The following ITSN2 variants were observed in gnomAD, a reference collection of about 807,000 sequenced individuals.
The protein encoded by ITSN2 is intersectin-2.
In ITSN2, 156 loss-of-function variants were observed where a neutral mutation model predicts 243.7. The observed-to-expected ratio is 0.64, with a 90% CI of 0.56 to 0.73. The LOEUF (loss-of-function observed/expected upper bound fraction) is 0.73. Among genes scored for constraint, ITSN2 ranks in the 30% least tolerant of loss-of-function variants. ITSN2 has a pLI of 0.00. For missense variants in ITSN2, 1,801 were observed against 1,996.1 expected, an observed-to-expected ratio of 0.90 and a Z score of 1.86; for synonymous variants, 703 against 699.9, an observed-to-expected ratio of 1.00 and a Z score of -0.07.
intron 17 of ITSN2, among the ~76,000 whole-genome samples, chr2:24,278,183 G>T (rs1678264078): frequency 6.6e-6 from 1 of 152,166 alleles, no homozygotes; most frequent in Non-Finnish European, 1.5e-5. Context: ...CCTCCAACTT[G>T]TCCTTTAAAA....
chr2:24,222,776 A>C lies in ITSN2; in HGVS notation c.3578-1710T>G, dbSNP rs552189763. The stretch of plus-strand genomic sequence containing the variant: ...CTGCAACCTCTGCCTTCTGGGTGCA[A>C]GTGATTCTCCTGCCTCAGCCTCCTG... On this transcript the variant is annotated intron_variant, in intron 29 of 39. Coordinates refer to ENST00000355123, the MANE Select transcript of ITSN2 (RefSeq NM_006277.3). 1.1e-4 allele frequency among the ~76,000 whole-genome samples: 16 copies of C among 147,234 alleles called. No homozygotes were observed. In the South Asian group the frequency reaches 3.2e-3, roughly 29 times the overall value.
At chr2:24,216,370 G>C (rs1669953890) in intron 31 of ITSN2, 138 bp from the exon 32 acceptor site, 1 of 644,212 alleles carries the variant, frequency 1.6e-6, no homozygotes, top group Non-Finnish European at 2.5e-6. Context: ...GAGAACTCAA[G>C]AGGAAGAGGA....
chr2:24,318,321 T>C (rs1326153258), intron 2 of ITSN2, among the ~76,000 whole-genome samples: 1 of 152,122 alleles, frequency 6.6e-6, no homozygotes, highest in Admixed American at 6.6e-5. Context: ...AATTTTTGTA[T>C]TTTTTGTAGA....
chr2:24,320,525 CAAAAAAAAAAAAAAAAAAAAAA>C (rs113637557), intron 2 of ITSN2, among the ~76,000 whole-genome samples: 4 of 41,522 alleles, frequency 9.6e-5, no homozygotes, highest in African/African-American at 4.1e-4. Flanking sequence ...GACTCCGTCT[CAAAAAAAAAAAAAAAAAAAAAA>C]AAAAAAAAAA....
At chr2:24,216,428 T>C (rs984517080) in intron 31 of ITSN2, 196 bp from the exon 32 acceptor site, 22 of 439,174 alleles carry the variant, frequency 5.0e-5, no homozygotes, top group Non-Finnish European at 8.8e-5. Flanking sequence ...CGGGGTGTGA[T>C]GTCAGCAAAG....
chr2:24,210,907 G>A lies in ITSN2; in HGVS notation c.4130C>T (p.Ser1377Phe). ...NTPESHADHS[S>F]LKLALERAEE... ...TGCCCGCTCGAGGGCCAGCTTTAGG[G>A]AGGAATGGTCTGCATGGCTCTCCGG... is the stretch of plus-strand genomic sequence containing the variant. The change falls in exon 34 of 40, where the codon TCC becomes TTC. Residue 1377 changes from serine (S) to phenylalanine (F), a missense_variant. By Grantham distance (155) the Ser-to-Phe change is radical. This residue lies in a region of ITSN2 where 928 missense variants were observed against 1,065.4 expected (regional missense o/e 0.87). Coordinates refer to ENST00000355123, the MANE Select transcript of ITSN2 (RefSeq NM_006277.3). The A allele has an allele frequency of 2.5e-6, 4 of 1,614,232 alleles. No homozygotes were observed. The highest frequency in any genetic ancestry group is 1.7e-5 in the Admixed American group (1 of 60,032).
intron 17 of ITSN2, among the ~76,000 whole-genome samples, chr2:24,279,989 C>A (rs1393048525): frequency 1.3e-5 from 2 of 152,092 alleles, no homozygotes; most frequent in Non-Finnish European, 2.9e-5. Context: ...GCCTCAGCCT[C>A]CCAAAGTGCT....
In ITSN2 at chr2:24,283,230, CT is replaced by C. The variant is rs879626302; in HGVS notation, c.1944+1532del. 2.8e-3 allele frequency among the ~76,000 whole-genome samples: 409 copies of C among 146,058 alleles called. 2 individuals carry two copies. The highest frequency in any genetic ancestry group is 8.9e-3 in the African/African-American group (356 of 40,140). ...AAATTCAATGGATATTTTTCTTTTT[CT>C]TTTTTTTTTTGAGACAGAGTTTTGC... is the stretch of plus-strand genomic sequence containing the variant. On this transcript the variant is annotated intron_variant, in intron 17 of 39. Transcript: ENST00000355123.
At chr2:24,284,701 G>C (rs1679240390) in intron 17 of ITSN2, 62 bp downstream of exon 17, 2 of 983,494 alleles carry the variant, frequency 2.0e-6, no homozygotes, top group Non-Finnish European at 1.6e-6. Context: ...GAATAGTCTA[G>C]TTTTAAAAAA....
chr2:24,308,824 C>A, intron 7 of ITSN2, 68 bp from the exon 8 acceptor site: 1 of 947,462 alleles, frequency 1.1e-6, no homozygotes, highest in South Asian at 2.5e-5. Context: ...TTTTATAAGA[C>A]CAAGGCATTA....
At chr2:24,333,271 G>C (rs543305879) in intron 1 of ITSN2, among the ~76,000 whole-genome samples, 16 of 152,198 alleles carry the variant, frequency 1.1e-4, no homozygotes, top group Non-Finnish European at 1.8e-4. Flanking sequence ...TTGTCCAGGA[G>C]AAGAAAAACA....
At chr2:24,272,049 T>A in intron 18 of ITSN2, 108 bp from the exon 19 acceptor site, 1 of 895,528 alleles carries the variant, frequency 1.1e-6, no homozygotes, top group Non-Finnish European at 1.6e-6. Flanking sequence ...AGCAATGAAG[T>A]ATTAGTACAG....
In ITSN2 at chr2:24,271,970, A is replaced by G. The variant is rs555464062; in HGVS notation, c.2082-29T>C. On this transcript the variant is annotated intron_variant, in intron 18 of 39. Transcript: ENST00000355123. The stretch of plus-strand genomic sequence containing the variant: ...TACATAAAAGAAAAAGAGTTTGTAT[A>G]ATGTCCTAGAAATTTTTTACACTAA... 16 of 1,425,146 alleles carry G rather than the reference A, an allele frequency of 1.1e-5. 1 individual carries two copies. The South Asian group carries it at 1.9e-4, about 17-fold the overall frequency. 88.3% of individuals were successfully genotyped at this position (1,425,146 alleles called of 1,614,324 possible).
rs1275035112 is a variant in ITSN2 at position 24,251,309 on chromosome 2, C to CAAAAAAAAAATTAAAA, written c.3120+1035_3120+1036insTTTTAATTTTTTTTTT. 9.1e-5 allele frequency among the ~76,000 whole-genome samples: 2 copies of CAAAAAAAAAATTAAAA among 22,016 alleles called. 1 individual carries two copies. Among genetic ancestry groups the CAAAAAAAAAATTAAAA allele is most frequent in the Admixed American group, 1.3e-3 (2 of 1,542 alleles). The allele number at this position is 22,016 out of a possible 152,430, so 14.4% of individuals were successfully genotyped here. ...TGGGCAACAGAACTAAACTCCATCT[C>CAAAAAAAAAATTAAAA]AAAAAAAAAAAAAAATAAAATATAT... On this transcript the variant is annotated intron_variant, in intron 25 of 39. Coordinates refer to ENST00000355123, the MANE Select transcript of ITSN2 (RefSeq NM_006277.3).
intron 17 of ITSN2, among the ~76,000 whole-genome samples, chr2:24,279,175 T>G (rs913947902): frequency 6.6e-6 from 1 of 152,236 alleles, no homozygotes; most frequent in Non-Finnish European, 1.5e-5. Context: ...CATCTTTGTA[T>G]GGCTGAGGTA....
At chr2:24,230,158 C>G (rs906921029) in intron 29 of ITSN2, among the ~76,000 whole-genome samples, 1 of 152,180 alleles carries the variant, frequency 6.6e-6, no homozygotes, top group Non-Finnish European at 1.5e-5. Context: ...AAAGCCAAAC[C>G]CCTAATCATC....
intron 36 of ITSN2, 93 bp from the exon 37 acceptor site, chr2:24,208,412 G>A (rs994696332): frequency 1.8e-5 from 17 of 920,930 alleles, no homozygotes; most frequent in Middle Eastern, 2.2e-4. Context: ...TCAGTCTTTT[G>A]CTAACCTCAA....
At chr2:24,324,947 C>G (rs1684998836) in intron 2 of ITSN2, among the ~76,000 whole-genome samples, 1 of 150,238 alleles carries the variant, frequency 6.7e-6, no homozygotes, top group African/African-American at 2.5e-5. Context: ...GAAAATCACA[C>G]ACAACAATCA....
At chr2:24,303,676 T>C (rs1682097227) in intron 9 of ITSN2, 123 bp downstream of exon 9, 3 of 695,962 alleles carry the variant, frequency 4.3e-6, no homozygotes, top group Non-Finnish European at 7.7e-6. Flanking sequence ...TGGCTGCTTT[T>C]ATAGAGCATC....
Sources: allele counts gnomAD v4.1 joint callset (sites outside exome capture counted in the v4.1 genomes callset), GRCh38; gene constraint gnomAD v4.1.1; regional missense constraint gnomAD v4.1.1; transcripts MANE v1.5; gene names NCBI Gene and HGNC (gene_info 2026-07-23, HGNC 2026-07-21).